The following PBRM1 variants were observed in gnomAD, a reference collection of about 807,000 sequenced individuals.
The protein encoded by PBRM1 is polybromo 1.
PBRM1 carries 27 observed loss-of-function variants against 194.5 expected under a neutral mutation model. That is an observed-to-expected ratio of 0.14 (90% confidence interval 0.10 to 0.19). PBRM1 has a LOEUF of 0.19. Among genes scored for constraint, PBRM1 ranks in the 10% least tolerant of loss-of-function variants. The pLI is 1.00. For synonymous variants in PBRM1, 655 were observed against 693.2 expected, an observed-to-expected ratio of 0.94 and a Z score of 0.87; for missense variants, 1,466 against 2,077.2, an observed-to-expected ratio of 0.71 and a Z score of 5.72.
intron 17 of PBRM1, among the ~76,000 whole-genome samples, chr3:52,599,707 G>T (rs914277027): frequency 1.3e-5 from 2 of 151,290 alleles, no homozygotes; most frequent in African/African-American, 4.9e-5. Context: ...GGGCGCGCCT[G>T]TAATCCCAAC....
chr3:52,571,941 G>A lies in PBRM1; in HGVS notation c.3691+4600C>T, dbSNP rs529267891. ...TAGTCCCAGCTTCTTGGAAGGCTGA[G>A]ATGGGAGGATTGCTTGCGCCCAGGA... On this transcript the variant is annotated intron_variant, in intron 22 of 29. Transcript: ENST00000296302. Among the ~76,000 whole-genome samples the A allele has an allele frequency of 1.2e-4, 18 of 149,794 alleles. 1 individual carries two copies. The East Asian group carries it at 3.3e-3, about 28-fold the overall frequency.
At chr3:52,576,814 C>T in intron 21 of PBRM1, 116 bp from the exon 24 acceptor site, 1 of 623,356 alleles carries the variant, frequency 1.6e-6, no homozygotes, top group Non-Finnish European at 2.6e-6. Context: ...AGGAGTTTCA[C>T]TGGCTGTTTT....
chr3:52,547,884 T>C (rs2079883659), downstream of PBRM1: 1 of 517,944 alleles, frequency 1.9e-6, no homozygotes, highest in Non-Finnish European at 3.3e-6. Flanking sequence ...CAACTTAATA[T>C]AACAAACAAA....
intron 22 of PBRM1, among the ~76,000 whole-genome samples, chr3:52,575,820 C>T (rs1215951196): frequency 6.6e-6 from 1 of 151,626 alleles, no homozygotes; most frequent in East Asian, 1.9e-4. Context: ...GGCCTTAAAT[C>T]AACTGTTTTA....
chr3:52,625,738 C>A (rs2095426763), intron 13 of PBRM1, among the ~76,000 whole-genome samples: 1 of 151,940 alleles, frequency 6.6e-6, no homozygotes, highest in Non-Finnish European at 1.5e-5. Flanking sequence ...TCACGCCTGG[C>A]TAATTTTTTT....
At chr3:52,654,494 G>A (rs1214741166) in intron 5 of PBRM1, among the ~76,000 whole-genome samples, 1 of 152,082 alleles carries the variant, frequency 6.6e-6, no homozygotes, top group East Asian at 1.9e-4. Flanking sequence ...GCTTGGGACG[G>A]ACTTACTAAG....
At chr3:52,610,231 C>T (rs1357450256) in intron 15 of PBRM1, among the ~76,000 whole-genome samples, 1 of 152,098 alleles carries the variant, frequency 6.6e-6, no homozygotes. Flanking sequence ...ATTCTATCAC[C>T]TCTGGTATCC....
intron 6 of PBRM1, among the ~76,000 whole-genome samples, chr3:52,649,019 A>G (rs1343628386): frequency 1.3e-5 from 2 of 152,236 alleles, no homozygotes; most frequent in Admixed American, 6.5e-5. Context: ...TAAGAGGCAC[A>G]CATGACTAAT....
chr3:52,650,322 C>T (rs2096453571), intron 6 of PBRM1, among the ~76,000 whole-genome samples: 1 of 146,382 alleles, frequency 6.8e-6, no homozygotes, highest in African/African-American at 2.6e-5. Context: ...TGAGATCATG[C>T]CACTGCACTC....
At chr3:52,679,859 AG>A, upstream of PBRM1, 6 of 530,598 alleles carry the variant, frequency 1.1e-5, no homozygotes, top group Non-Finnish European at 1.5e-5. Context: ...ACTAGCTATA[AG>A]TTTTTTTTTT....
At chr3:52,651,289 C>G (rs35211965) in intron 6 of PBRM1, among the ~76,000 whole-genome samples, 51,347 of 151,880 alleles carry the variant, frequency 0.34, 9,685 homozygotes, top group Admixed American at 0.46. Flanking sequence ...ATTCCACTGA[C>G]CTTCCACTCT....
chr3:52,615,573 C>T (rs905261610), intron 14 of PBRM1, 117 bp from the exon 17 acceptor site: 10 of 637,624 alleles, frequency 1.6e-5, no homozygotes, highest in Admixed American at 7.7e-5. Flanking sequence ...TTAAAGAAAA[C>T]CAAAACCAGC....
At position 52,589,065 on chromosome 3, in the gene PBRM1, C is replaced by A. The variant is rs2153804863; in HGVS notation, c.2965+5G>T. 1 of 1,610,744 alleles carries A rather than the reference C, an allele frequency of 6.2e-7. No individual in the cohort carries two copies. The highest frequency in any genetic ancestry group is 1.7e-5 in the Admixed American group (1 of 59,820). Reference sequence around the variant, plus strand: ...AAACTGTCCTTTGATTTAAAACAAACTTACCAGCTGAATCCTCCCACAGTC... The same window carrying A: ...AAACTGTCCTTTGATTTAAAACAAAATTACCAGCTGAATCCTCCCACAGTC... On this transcript the variant is annotated splice_donor_5th_base_variant and intron_variant, in intron 18 of 29. Coordinates refer to ENST00000296302, the Ensembl canonical transcript of PBRM1.
At chr3:52,599,039 A>C (rs1160138539) in intron 17 of PBRM1, among the ~76,000 whole-genome samples, 3 of 150,558 alleles carry the variant, frequency 2.0e-5, no homozygotes, top group African/African-American at 7.3e-5. Flanking sequence ...AAAAAAAAAA[A>C]AAAATTAGGC....
chr3:52,619,756 T>C (rs2095178825), intron 13 of PBRM1, among the ~76,000 whole-genome samples: 1 of 152,224 alleles, frequency 6.6e-6, no homozygotes, highest in African/African-American at 2.4e-5. Flanking sequence ...TACACTTTTT[T>C]AAAACACAGA....
intron 27 of PBRM1, among the ~76,000 whole-genome samples, chr3:52,553,932 G>C (rs2153422548): frequency 6.6e-6 from 1 of 152,268 alleles, no homozygotes; most frequent in East Asian, 1.9e-4. Context: ...AAAGTGCTGG[G>C]ATTACAGGCA....
At chr3:52,672,863 G>A (rs762281221) in intron 2 of PBRM1, among the ~76,000 whole-genome samples, 2 of 151,892 alleles carry the variant, frequency 1.3e-5, no homozygotes, top group Non-Finnish European at 2.9e-5. Context: ...TTCTAGTTAG[G>A]GGAACATACC....
intron 13 of PBRM1, among the ~76,000 whole-genome samples, chr3:52,620,154 T>C (rs141563914): frequency 3.1e-4 from 47 of 152,306 alleles, no homozygotes; most frequent in African/African-American, 1.1e-3. Flanking sequence ...AAGTGGATAA[T>C]ACAAGGGAAG....
At chr3:52,568,427 T>C (rs781550696) in intron 22 of PBRM1, among the ~76,000 whole-genome samples, 1 of 152,242 alleles carries the variant, frequency 6.6e-6, no homozygotes, top group Non-Finnish European at 1.5e-5. Context: ...TTTCTCAAGA[T>C]TGTCATTTTT....
Sources: gnomAD v4.1 joint callset for allele counts (sites outside exome capture counted in the v4.1 genomes callset) on GRCh38, gnomAD v4.1.1 for gene constraint, MANE v1.5 for transcripts, NCBI Gene and HGNC (gene_info 2026-07-23, HGNC 2026-07-21) for gene names.